UGT1A10: variants seen among roughly 807,000 people sequenced by gnomAD.
UGT1A10 encodes the protein UDP-glucuronosyltransferase 1A10.
A neutral mutation model predicts 45.8 loss-of-function variants in UGT1A10; 49 were observed. That is an observed-to-expected ratio of 1.07 (90% CI 0.85 to 1.36). The LOEUF (loss-of-function observed/expected upper bound fraction) is 1.36, where lower values mean the gene tolerates loss of function less well. Ranked by LOEUF, UGT1A10 falls within the 40% of genes most tolerant of loss-of-function variation. The pLI is 0.00. For synonymous variants in UGT1A10, 284 were observed against 249.7 expected (o/e 1.14, Z -1.29); for missense variants, 745 against 668.6 (o/e 1.11, Z -1.26).
intron 1 of UGT1A10, among the ~76,000 whole-genome samples, chr2:233,662,397 A>G (rs565260351): frequency 6.6e-6 from 1 of 152,306 alleles, no homozygotes; most frequent in Admixed American, 6.5e-5. Context: ...ATTTATTGCA[A>G]CAAATCTGCC....
chr2:233,772,833 T>TTTAC lies in UGT1A10; in HGVS notation c.*274_*275insTTAC. 1.1e-6 allele frequency: 1 copy of TTTAC among 879,514 alleles called. No homozygotes were observed. Among genetic ancestry groups the TTTAC allele is most frequent in the Non-Finnish European group, 1.6e-6 (1 of 630,664 alleles). The allele number at this position is 879,514 out of a possible 1,614,324, so 54.5% of individuals were successfully genotyped here. A position where few individuals can be genotyped will look rare whatever the true frequency, so the allele number is the denominator to read the frequency against. ...AGGACGTGCAGACAGGCTGGCATTC[T>TTTAC]AGATTACTTTTCTTACTCTGAAACA... On this transcript the variant is annotated 3_prime_UTR_variant, in exon 5 of 5. Transcript: ENST00000344644.
chr2:233,688,768 T>G (rs2125540599), intron 1 of UGT1A10, among the ~76,000 whole-genome samples: 1 of 152,314 alleles, frequency 6.6e-6, no homozygotes, highest in African/African-American at 2.4e-5. Context: ...GAACATGGCT[T>G]TGCCATTCTA....
intron 1 of UGT1A10, chr2:233,681,938 A>C (rs1005355336): frequency 3.7e-6 from 6 of 1,611,742 alleles, no homozygotes; most frequent in Admixed American, 1.7e-5. Context: ...AAGTTCTCTG[A>C]TGGCTCGTGC....
chr2:233,745,544 C>T (rs1418147485), intron 1 of UGT1A10, among the ~76,000 whole-genome samples: 1 of 151,628 alleles, frequency 6.6e-6, no homozygotes, highest in Non-Finnish European at 1.5e-5. Context: ...GTCACCAGAA[C>T]AAACTTCTAA....
intron 2 of UGT1A10, 81 bp from the exon 3 acceptor site, chr2:233,767,768 G>A (rs1166342197): frequency 1.9e-5 from 30 of 1,610,020 alleles, no homozygotes; most frequent in Non-Finnish European, 2.5e-5. Flanking sequence ...GAGGACCCCT[G>A]TTTTCTAGTT....
At chr2:233,682,699 A>G in intron 1 of UGT1A10, 1 of 1,613,906 alleles carries the variant, frequency 6.2e-7, no homozygotes, top group Non-Finnish European at 8.5e-7. Flanking sequence ...GGTTGTTGCG[A>G]ACTGACTTTG....
intron 1 of UGT1A10, chr2:233,747,208 G>A (rs1315527949): frequency 4.4e-6 from 7 of 1,605,016 alleles, no homozygotes; most frequent in Non-Finnish European, 5.1e-6. Flanking sequence ...CGTGTCTTCT[G>A]CTGAGATGGC....
chr2:233,661,623 T>TTTTCTTTCTTTCTTTTC (rs1265546183), intron 1 of UGT1A10, among the ~76,000 whole-genome samples: 7,562 of 124,004 alleles, frequency 0.061, 374 homozygotes, highest in South Asian at 0.11. Context: ...ACTTACTGAA[T>TTTTCTTTCTTTCTTTTC]TTTCTTTCTT....
intron 1 of UGT1A10, among the ~76,000 whole-genome samples, chr2:233,659,789 A>G (rs1283821055): frequency 6.6e-6 from 1 of 152,224 alleles, no homozygotes; most frequent in Admixed American, 6.5e-5. Flanking sequence ...CATATCATAG[A>G]AGGGTACAAT....
intron 1 of UGT1A10, chr2:233,691,335 G>C (rs1447452223): frequency 1.0e-6 from 1 of 985,562 alleles, no homozygotes; most frequent in Non-Finnish European, 1.2e-6. Flanking sequence ...GGACTGAGCT[G>C]AGTCTTCGCA....
intron 1 of UGT1A10, among the ~76,000 whole-genome samples, chr2:233,650,250 G>A (rs1368415528): frequency 8.5e-5 from 13 of 152,202 alleles, no homozygotes; most frequent in African/African-American, 3.1e-4. Flanking sequence ...GATTACAGGT[G>A]TGAGCCACCG....
intron 1 of UGT1A10, among the ~76,000 whole-genome samples, chr2:233,763,564 T>C (rs1698345105): frequency 6.6e-6 from 1 of 152,236 alleles, no homozygotes; most frequent in Non-Finnish European, 1.5e-5. Context: ...AAGTTACTGT[T>C]CTTATTTTCT....
chr2:233,729,091 G>T (rs745755811), intron 1 of UGT1A10: 4 of 1,612,602 alleles, frequency 2.5e-6, no homozygotes, highest in African/African-American at 2.7e-5. Flanking sequence ...GGCACAGCGT[G>T]GGGTGGACAG....
At chr2:233,679,465 A>T (rs2074453333) in intron 1 of UGT1A10, among the ~76,000 whole-genome samples, 1 of 152,196 alleles carries the variant, frequency 6.6e-6, no homozygotes, top group African/African-American at 2.4e-5. Context: ...TACACAAAAC[A>T]GTAGAGTTAG....
At position 233,725,271 on chromosome 2, in the gene UGT1A10, GAGGCAGAGGCAGAGGCA is replaced by G. The variant is rs1559370545; in HGVS notation, c.856-41762_856-41746del. ...AGAGGAGGCAGAGGCAGAGGAGGCAGAGGCAGAGGCAGAGGCAGAGGCAGAGGCAGAGGCAGAGGCAG... is the reference window on the plus strand; with the variant it reads ...AGAGGAGGCAGAGGCAGAGGAGGCAGGAGGCAGAGGCAGAGGCAGAGGCAG... On this transcript the variant is annotated intron_variant, in intron 1 of 4. Coordinates refer to ENST00000344644, the MANE Select transcript of UGT1A10 (RefSeq NM_019075.4). 2.2e-4 allele frequency among the ~76,000 whole-genome samples: 9 copies of G among 41,180 alleles called. 2 individuals are homozygous for G. The East Asian group carries it at 5.2e-3, about 24-fold the overall frequency. 27.0% of individuals were successfully genotyped at this position (41,180 alleles called of 152,430 possible). A position where few individuals can be genotyped will look rare whatever the true frequency, so the allele number is the denominator to read the frequency against.
chr2:233,719,110 C>G, intron 1 of UGT1A10: 1 of 1,614,270 alleles, frequency 6.2e-7, no homozygotes, highest in Non-Finnish European at 8.5e-7. Flanking sequence ...CTGGGCTACA[C>G]TCAAGGGTTC....
intron 1 of UGT1A10, among the ~76,000 whole-genome samples, chr2:233,718,520 C>T (rs1396041935): frequency 2.0e-5 from 3 of 152,154 alleles, no homozygotes; most frequent in Non-Finnish European, 2.9e-5. Context: ...AAATGGGTGT[C>T]CACAGCCTTG....
intron 1 of UGT1A10, chr2:233,754,534 G>A (rs1695504785): frequency 2.7e-6 from 1 of 372,112 alleles, no homozygotes; most frequent in Non-Finnish European, 5.3e-6. Flanking sequence ...GGCAAATGTG[G>A]ACTGGAATTA....
intron 1 of UGT1A10, among the ~76,000 whole-genome samples, chr2:233,683,789 T>G (rs1464209598): frequency 6.6e-6 from 1 of 152,186 alleles, no homozygotes; most frequent in Non-Finnish European, 1.5e-5. Flanking sequence ...TTTTACACAT[T>G]TATCTTGTAT....
Sources: gnomAD v4.1 joint callset for allele counts (sites outside exome capture counted in the v4.1 genomes callset) on GRCh38, gnomAD v4.1.1 for gene constraint, MANE v1.5 for transcripts, NCBI Gene and HGNC (gene_info 2026-07-23, HGNC 2026-07-21) for gene names.